The following MGAT4C variants were observed in gnomAD, a reference collection of about 807,000 sequenced individuals.
MGAT4C encodes the protein alpha-1,3-mannosyl-glycoprotein 4-beta-N-acetylglucosaminyltransferase C.
In MGAT4C, 19 loss-of-function variants were observed where a neutral mutation model predicts 40.1. That is an observed-to-expected ratio of 0.47 (90% CI 0.33 to 0.70). The LOEUF (loss-of-function observed/expected upper bound fraction) is 0.70. Ranked by LOEUF, MGAT4C falls within the 30% of genes least tolerant of loss-of-function variation. The pLI, the probability that MGAT4C is intolerant of heterozygous loss-of-function variation, is 0.02. For synonymous variants in MGAT4C, 181 were observed against 187.1 expected (o/e 0.97, Z 0.27); for missense variants, 491 against 563.2 (o/e 0.87, Z 1.30).
chr12:86,267,387 T>A lies in MGAT4C; in HGVS notation c.-57+66678A>T, dbSNP rs78082660. On this transcript the variant is annotated intron_variant, in intron 4 of 7. Transcript: ENST00000548651. ...GGAAGTGAAAGGTAGATGTTCACCA[T>A]CATGAAGACACCTGAAATTATACAG... Among the ~76,000 whole-genome samples the A allele has an allele frequency of 8.9e-4, 136 of 152,180 alleles. 1 individual carries two copies. The East Asian group carries it at 0.026, about 29-fold the overall frequency.
intron 2 of MGAT4C, among the ~76,000 whole-genome samples, chr12:86,684,100 G>A (rs1950029507): frequency 6.6e-6 from 1 of 152,026 alleles, no homozygotes; most frequent in African/African-American, 2.4e-5. Context: ...TCTGGGCCAG[G>A]CTGGGTGGCT....
intron 1 of MGAT4C, among the ~76,000 whole-genome samples, chr12:86,816,973 T>G (rs1952618746): frequency 1.3e-5 from 2 of 151,288 alleles, no homozygotes; most frequent in Non-Finnish European, 3.0e-5. Context: ...TATATTGCTT[T>G]CATTTTTGGT....
At chr12:86,554,979 A>G (rs1246800036) in intron 2 of MGAT4C, among the ~76,000 whole-genome samples, 1 of 152,042 alleles carries the variant, frequency 6.6e-6, no homozygotes, top group African/African-American at 2.4e-5. Context: ...CTCTGTCTTC[A>G]AAGCCAGCAG....
At position 86,774,396 on chromosome 12, in the gene MGAT4C, C is replaced by CCTCTCT. The variant is rs148122088; in HGVS notation, c.-261-47161_-261-47156dup. The stretch of plus-strand genomic sequence containing the variant: ...TTTCTGTCTGTCTCTCTCTCTCTCT[C>CCTCTCT]CTCTCTCTCTCTCTCTCTCTCTCTC... On this transcript the variant is annotated intron_variant, in intron 1 of 7. Transcript: ENST00000548651. Among the ~76,000 whole-genome samples the CCTCTCT allele has an allele frequency of 5.7e-3, 526 of 92,262 alleles. 40 individuals carry two copies. Among genetic ancestry groups the CCTCTCT allele is most frequent in the African/African-American group, 8.5e-3 (205 of 24,014 alleles). The allele number at this position is 92,262 out of a possible 152,430, so 60.5% of individuals were successfully genotyped here. A position where few individuals can be genotyped will look rare whatever the true frequency, so the allele number is the denominator to read the frequency against.
chr12:86,450,129 C>T (rs12372566), intron 2 of MGAT4C, among the ~76,000 whole-genome samples: 1,525 of 151,996 alleles, frequency 0.01, 18 homozygotes, highest in Admixed American at 0.022. Context: ...GTAGAAATTG[C>T]CAACTTTTCT....
At chr12:86,234,108 T>A (rs1260698980) in intron 1 of MGAT4C, among the ~76,000 whole-genome samples, 5 of 152,186 alleles carry the variant, frequency 3.3e-5, no homozygotes, top group African/African-American at 7.2e-5. Flanking sequence ...GATGAACATT[T>A]CTTATTTAGT....
chr12:86,388,680 T>G (rs1034494234), intron 3 of MGAT4C, among the ~76,000 whole-genome samples: 2 of 139,964 alleles, frequency 1.4e-5, no homozygotes, highest in African/African-American at 2.6e-5. Context: ...TTTTTGTTTT[T>G]TTTTTTTTTT....
At chr12:86,071,496 G>A (rs981095300) in intron 1 of MGAT4C, among the ~76,000 whole-genome samples, 1 of 152,066 alleles carries the variant, frequency 6.6e-6, no homozygotes, top group Non-Finnish European at 1.5e-5. Flanking sequence ...AGGTAGCTAT[G>A]TTGCTCTTCA....
chr12:86,260,305 G>A (rs1425819974), upstream of MGAT4C, among the ~76,000 whole-genome samples: 1 of 152,050 alleles, frequency 6.6e-6, no homozygotes, highest in African/African-American at 2.4e-5. Context: ...CTGAAAGTAA[G>A]CACATCTGTC....
At chr12:86,225,150 G>A (rs1951027864) in intron 1 of MGAT4C, among the ~76,000 whole-genome samples, 1 of 152,004 alleles carries the variant, frequency 6.6e-6, no homozygotes, top group Non-Finnish European at 1.5e-5. Context: ...TCATCAGAGA[G>A]TATTAGGAAC....
At chr12:86,051,177 A>T (rs1481524050) in intron 1 of MGAT4C, among the ~76,000 whole-genome samples, 2 of 152,036 alleles carry the variant, frequency 1.3e-5, no homozygotes, top group African/African-American at 4.8e-5. Flanking sequence ...GAAAAACAGC[A>T]TTGGTTTTGA....
At chr12:86,711,106 G>A (rs1316291543) in intron 2 of MGAT4C, among the ~76,000 whole-genome samples, 1 of 151,940 alleles carries the variant, frequency 6.6e-6, no homozygotes, top group African/African-American at 2.4e-5. Context: ...CGGGTGACAG[G>A]TACACCAAAA....
chr12:86,715,970 A>G (rs546603293), intron 2 of MGAT4C, among the ~76,000 whole-genome samples: 12 of 152,272 alleles, frequency 7.9e-5, no homozygotes, highest in African/African-American at 2.9e-4. Context: ...ACAAAACTAG[A>G]AATTGTGCTA....
intron 2 of MGAT4C, chr12:86,016,358 C>T (rs1341849035): frequency 6.6e-6 from 1 of 152,220 alleles, no homozygotes; most frequent in Non-Finnish European, 1.5e-5. Context: ...ATGACCTTGC[C>T]AGGACTTGGA....
rs2136783964 is a variant in MGAT4C at position 86,003,508 on chromosome 12, T to C, written c.-6-13956A>G. Among the ~76,000 whole-genome samples, 2 of 152,282 alleles carry C rather than the reference T, an allele frequency of 1.3e-5. 1 individual carries two copies. Among genetic ancestry groups the C allele is most frequent in the South Asian group, 4.1e-4 (2 of 4,826 alleles). On this transcript the variant is annotated intron_variant, in intron 2 of 4. Transcript: ENST00000611864. ...CAAAAACCTGTGTGTTTAACTTCTT[T>C]GGTTTTTGCTTTTGTGATGCTTGCC...
intron 2 of MGAT4C, among the ~76,000 whole-genome samples, chr12:86,587,383 G>C (rs892257494): frequency 1.3e-5 from 2 of 152,114 alleles, no homozygotes; most frequent in African/African-American, 4.8e-5. Flanking sequence ...AAGTCAGGTA[G>C]TGTGATGCCT....
intron 2 of MGAT4C, among the ~76,000 whole-genome samples, chr12:86,611,456 T>TGACAGATAGATAGATA (rs1555210963): frequency 7.0e-6 from 1 of 143,548 alleles, no homozygotes; most frequent in Non-Finnish European, 1.5e-5. Flanking sequence ...GATAGATAGA[T>TGACAGATAGATAGATA]GATAGATAGA....
In MGAT4C at chr12:86,302,369, G is replaced by C. The variant is rs1214261708; in HGVS notation, c.-57+31696C>G. On this transcript the variant is annotated intron_variant, in intron 4 of 7. Coordinates refer to the MGAT4C transcript ENST00000548651. ...TTTGTAGGAAATTGACAAGGAGACAGAATAGGCAGTTGCAGGGTTTTTGTT... is the reference window on the plus strand; with the variant it reads ...TTTGTAGGAAATTGACAAGGAGACACAATAGGCAGTTGCAGGGTTTTTGTT... 4.7e-5 allele frequency among the ~76,000 whole-genome samples: 7 copies of C among 148,944 alleles called. 2 individuals carry two copies. The highest frequency in any genetic ancestry group is 1.8e-4 in the African/African-American group (7 of 38,914).
At chr12:86,541,115 G>A (rs539807326) in intron 2 of MGAT4C, among the ~76,000 whole-genome samples, 8 of 152,130 alleles carry the variant, frequency 5.3e-5, no homozygotes, top group African/African-American at 1.4e-4. Flanking sequence ...GAGCCCAAAC[G>A]TAAGGTTTTG....
Sources: gnomAD v4.1 joint callset for allele counts (sites outside exome capture counted in the v4.1 genomes callset) on GRCh38, gnomAD v4.1.1 for gene constraint, MANE v1.5 for transcripts, NCBI Gene and HGNC (gene_info 2026-07-23, HGNC 2026-07-21) for gene names.